The following TSC22D1 variants were observed in gnomAD, a reference collection of about 807,000 sequenced individuals.
The protein encoded by TSC22D1 is TSC22 domain family member 1, also known as TSC22 domain family protein 1.
A neutral mutation model predicts 74.2 loss-of-function variants in TSC22D1; 9 were observed. That is an observed-to-expected ratio of 0.12 (90% CI 0.07 to 0.21). The LOEUF (loss-of-function observed/expected upper bound fraction) is 0.21. Ranked by LOEUF, TSC22D1 falls within the 10% of genes least tolerant of loss-of-function variation. TSC22D1 has a pLI of 1.00. For synonymous variants in TSC22D1, 586 were observed against 492.5 expected (o/e 1.19, Z -2.51); for missense variants, 1,427 against 1,304.7 (o/e 1.09, Z -1.44).
chr13:44,546,502 TGAAAG>T (rs1007049571), intron 1 of TSC22D1, among the ~76,000 whole-genome samples: 2 of 151,854 alleles, frequency 1.3e-5, no homozygotes, highest in Admixed American at 6.6e-5. Context: ...GTCAAAGTCA[TGAAAG>T]GAAAGAAAGA....
intron 1 of TSC22D1, among the ~76,000 whole-genome samples, chr13:44,442,163 A>C (rs1875257961): frequency 6.6e-6 from 1 of 152,220 alleles, no homozygotes. Flanking sequence ...TTTAAAAGGA[A>C]GCCCTGAAAG....
intron 1 of TSC22D1, among the ~76,000 whole-genome samples, chr13:44,474,834 G>GC (rs1188558420): frequency 6.6e-6 from 1 of 152,072 alleles, no homozygotes; most frequent in Non-Finnish European, 1.5e-5. Flanking sequence ...ACCCAGGCAA[G>GC]CAGGTATCAA....
chr13:44,536,598 T>C (rs774558034), intron 1 of TSC22D1: 8 of 372,158 alleles, frequency 2.1e-5, no homozygotes, highest in Admixed American at 6.5e-5. Context: ...CATAGTTCTC[T>C]AATCAGCCAT....
chr13:44,491,625 A>T (rs1224017637), intron 1 of TSC22D1, among the ~76,000 whole-genome samples: 1 of 152,146 alleles, frequency 6.6e-6, no homozygotes, highest in African/African-American at 2.4e-5. Flanking sequence ...AAATAAGTAC[A>T]ATCCAAAAAA....
Position 44,476,468 on chromosome 13 carries a change from T to C in TSC22D1, c.2913-40373A>G, listed in dbSNP as rs548179285. ...AAATATCAATATACAAAAACAGGGATGATGTGCTCTATTTTAAAAAAAGAA... is the reference window on the plus strand; with the variant it reads ...AAATATCAATATACAAAAACAGGGACGATGTGCTCTATTTTAAAAAAAGAA... On this transcript the variant is annotated intron_variant, in intron 1 of 2. Coordinates refer to ENST00000458659, the MANE Select transcript of TSC22D1 (RefSeq NM_183422.4). Among the ~76,000 whole-genome samples, 3 of 152,250 alleles carry C rather than the reference T, an allele frequency of 2.0e-5. No homozygotes were observed. In the South Asian group the frequency reaches 6.2e-4, roughly 32 times the overall value.
intron 1 of TSC22D1, among the ~76,000 whole-genome samples, chr13:44,530,157 G>A (rs1297261338): frequency 6.6e-6 from 1 of 152,100 alleles, no homozygotes; most frequent in African/African-American, 2.4e-5. Flanking sequence ...CAGACTTCAA[G>A]ACTTAGTAAA....
intron 1 of TSC22D1, chr13:44,436,607 G>T: frequency 6.2e-7 from 1 of 1,609,430 alleles, no homozygotes; most frequent in South Asian, 1.1e-5. Flanking sequence ...ATCGCCACTG[G>T]TCTACACCAT....
Position 44,550,586 on chromosome 13 carries a change from G to GA in TSC22D1, c.2912+22576dup, listed in dbSNP as rs372509812. ...AACAAGAGTGAAACTCTGTCTCGGGGAAAAAAAAAAAAAAGAAAAAAAGAA... is the reference window on the plus strand; with the variant it reads ...AACAAGAGTGAAACTCTGTCTCGGGGAAAAAAAAAAAAAAAGAAAAAAAGAA... On this transcript the variant is annotated intron_variant, in intron 1 of 2. Transcript: ENST00000458659. Among the ~76,000 whole-genome samples the GA allele has an allele frequency of 1.8e-3, 231 of 129,090 alleles. 1 individual carries two copies. The highest frequency in any genetic ancestry group is 5.7e-3 in the East Asian group (25 of 4,382). The allele number at this position is 129,090 out of a possible 152,430, so 84.7% of individuals were successfully genotyped here.
chr13:44,456,204 C>T (rs187294649), intron 1 of TSC22D1, among the ~76,000 whole-genome samples: 5 of 152,298 alleles, frequency 3.3e-5, no homozygotes, highest in Admixed American at 2.0e-4. Flanking sequence ...CAAGATTTAT[C>T]GCTAACAGTA....
chr13:44,497,559 G>A (rs1334170664), intron 1 of TSC22D1, among the ~76,000 whole-genome samples: 1 of 152,020 alleles, frequency 6.6e-6, no homozygotes, highest in African/African-American at 2.4e-5. Context: ...ATTTAAAAAG[G>A]AAACAAGAAC....
At chr13:44,454,919 GTTT>G (rs201391944) in intron 1 of TSC22D1, among the ~76,000 whole-genome samples, 2 of 151,654 alleles carry the variant, frequency 1.3e-5, no homozygotes, top group Non-Finnish European at 2.9e-5. Context: ...ACTGGAAATA[GTTT>G]TTTTTTAAAA....
intron 1 of TSC22D1, among the ~76,000 whole-genome samples, chr13:44,482,407 C>CA (rs1172165844): frequency 1.3e-5 from 2 of 152,126 alleles, no homozygotes; most frequent in Non-Finnish European, 2.9e-5. Flanking sequence ...GGCATGGTGG[C>CA]ACACACCTGT....
intron 1 of TSC22D1, among the ~76,000 whole-genome samples, chr13:44,529,889 A>G (rs567739635): frequency 3.3e-5 from 5 of 152,238 alleles, no homozygotes; most frequent in African/African-American, 1.2e-4. Context: ...GGTCTATATA[A>G]GGAAAAAGCT....
At chr13:44,454,902 G>C (rs1228133327) in intron 1 of TSC22D1, among the ~76,000 whole-genome samples, 1 of 152,052 alleles carries the variant, frequency 6.6e-6, no homozygotes, top group East Asian at 1.9e-4. Context: ...TTGAAAGACT[G>C]GTTATCACTG....
intron 1 of TSC22D1, chr13:44,437,360 T>C (rs916387612): frequency 4.9e-6 from 3 of 607,516 alleles, no homozygotes; most frequent in Non-Finnish European, 6.2e-6. Context: ...GAGGATTTTA[T>C]AGACGGTTTT....
intron 1 of TSC22D1, among the ~76,000 whole-genome samples, chr13:44,528,716 T>C (rs1429899355): frequency 2.0e-5 from 3 of 151,854 alleles, no homozygotes; most frequent in African/African-American, 4.8e-5. Context: ...AAAACCAAAA[T>C]CTAGTTCTTT....
chr13:44,434,939 T>TAAAA, intron 2 of TSC22D1, 56 bp from the exon 3 acceptor site: 2 of 1,470,908 alleles, frequency 1.4e-6, no homozygotes, highest in Non-Finnish European at 1.9e-6. Flanking sequence ...TGGACTCTTT[T>TAAAA]GAGTTTCCAA....
In TSC22D1 at chr13:44,576,183, C is replaced by G. The variant is rs1322834961; in HGVS notation, c.-109G>C. The G allele has an allele frequency of 5.0e-6, 7 of 1,387,402 alleles. No individual in the cohort carries two copies. The East Asian group carries it at 1.8e-4, about 35-fold the overall frequency. 85.9% of individuals were successfully genotyped at this position (1,387,402 alleles called of 1,614,324 possible). On this transcript the variant is annotated 5_prime_UTR_variant, in exon 1 of 3. Coordinates refer to ENST00000458659, the MANE Select transcript of TSC22D1 (RefSeq NM_183422.4). ...AAACGGGACCTGACGCTCCGCCTGG[C>G]GCGATTCCTCCTTCTCCTCCTCCTC...
intron 1 of TSC22D1, among the ~76,000 whole-genome samples, chr13:44,507,590 G>C (rs1448031665): frequency 1.3e-5 from 2 of 152,074 alleles, no homozygotes; most frequent in Non-Finnish European, 2.9e-5. Context: ...TCAGACTGAA[G>C]AAGATACTGA....
Sources: gnomAD v4.1 joint callset for allele counts (sites outside exome capture counted in the v4.1 genomes callset) on GRCh38, gnomAD v4.1.1 for gene constraint, MANE v1.5 for transcripts, NCBI Gene and HGNC (gene_info 2026-07-23, HGNC 2026-07-21) for gene names.